WWOX: variants seen among roughly 807,000 people sequenced by gnomAD.
WWOX encodes the protein WW domain containing oxidoreductase.
Under a neutral mutation model 46.2 loss-of-function variants are expected in WWOX, and 69 were observed. The ratio of observed to expected loss-of-function variants is 1.49; its 90% confidence interval spans 1.23 to 1.82. WWOX has a LOEUF of 1.82. Among genes scored for constraint, WWOX ranks in the 40% most tolerant of loss-of-function variants. The pLI is 0.00. For synonymous variants in WWOX, 359 were observed against 202.6 expected, an observed-to-expected ratio of 1.77 and a Z score of -6.56; for missense variants, 919 against 542.6, an observed-to-expected ratio of 1.69 and a Z score of -6.89.
At chr16:78,934,477 G>A (rs2045693383) in intron 8 of WWOX, among the ~76,000 whole-genome samples, 1 of 137,274 alleles carries the variant, frequency 7.3e-6, no homozygotes, top group African/African-American at 2.7e-5. Context: ...CCACTGCACT[G>A]CAGCCTGGGC....
intron 8 of WWOX, among the ~76,000 whole-genome samples, chr16:78,916,202 A>C (rs2045247899): frequency 6.6e-6 from 1 of 152,204 alleles, no homozygotes; most frequent in African/African-American, 2.4e-5. Flanking sequence ...TTATGCTGAC[A>C]GTAGGGAGGA....
At chr16:79,200,655 G>T (rs1313882392) in intron 8 of WWOX, among the ~76,000 whole-genome samples, 1 of 152,066 alleles carries the variant, frequency 6.6e-6, no homozygotes, top group African/African-American at 2.4e-5. Flanking sequence ...GGCCATTACA[G>T]TTGGGATTAG....
chr16:78,961,436 C>CATGGATGG (rs551578359), intron 8 of WWOX, among the ~76,000 whole-genome samples: 11 of 151,746 alleles, frequency 7.2e-5, no homozygotes, highest in African/African-American at 2.4e-4. Context: ...CTATGGGATA[C>CATGGATGG]ATGGATGGAT....
chr16:78,684,288 G>GTA (rs2047804377), intron 8 of WWOX, among the ~76,000 whole-genome samples: 1 of 152,170 alleles, frequency 6.6e-6, no homozygotes, highest in African/African-American at 2.4e-5. Context: ...CTGTCCAGGT[G>GTA]TACTCAGAGT....
chr16:78,904,780 C>G (rs1329023340), intron 8 of WWOX, among the ~76,000 whole-genome samples: 2 of 152,170 alleles, frequency 1.3e-5, no homozygotes, highest in African/African-American at 4.8e-5. Flanking sequence ...ATTCTCGGGC[C>G]TTTGCACCTT....
chr16:79,137,836 C>T (rs1009107797), intron 8 of WWOX, among the ~76,000 whole-genome samples: 1 of 152,038 alleles, frequency 6.6e-6, no homozygotes, highest in Non-Finnish European at 1.5e-5. Flanking sequence ...GCTTCTGGCC[C>T]CGTCCTGGGG....
chr16:78,737,714 A>G (rs1187502681), intron 8 of WWOX, among the ~76,000 whole-genome samples: 1 of 152,148 alleles, frequency 6.6e-6, no homozygotes, highest in Non-Finnish European at 1.5e-5. Flanking sequence ...TCTAGGTATC[A>G]TGGATGATGT....
At chr16:79,018,521 G>T (rs966610520) in intron 8 of WWOX, among the ~76,000 whole-genome samples, 2 of 152,172 alleles carry the variant, frequency 1.3e-5, no homozygotes, top group Non-Finnish European at 2.9e-5. Flanking sequence ...TTTGACAATG[G>T]TCTGATTAAT....
At chr16:78,860,391 T>G (rs144993587) in intron 8 of WWOX, among the ~76,000 whole-genome samples, 1 of 152,274 alleles carries the variant, frequency 6.6e-6, no homozygotes, top group East Asian at 1.9e-4. Flanking sequence ...TTCACTATCT[T>G]GATGCCTCAC....
chr16:78,439,676 T>C (rs905442610), intron 8 of WWOX, among the ~76,000 whole-genome samples: 3 of 152,246 alleles, frequency 2.0e-5, no homozygotes, highest in South Asian at 4.1e-4. Context: ...TACATCAGTT[T>C]AGCTGCTTTA....
chr16:79,161,519 C>G (rs1002070430), intron 8 of WWOX, among the ~76,000 whole-genome samples: 1 of 152,012 alleles, frequency 6.6e-6, no homozygotes, highest in Non-Finnish European at 1.5e-5. Context: ...AGTTTTTTCA[C>G]TTTTTATTTT....
intron 8 of WWOX, among the ~76,000 whole-genome samples, chr16:78,855,163 G>T (rs1410995274): frequency 6.6e-6 from 1 of 152,278 alleles, no homozygotes; most frequent in East Asian, 1.9e-4. Flanking sequence ...AAAGGTGGGT[G>T]AGGAGAAGAG....
rs569737677 is a variant in WWOX, at chr16:78,194,786, A to T, written c.516+30497A>T. On this transcript the variant is annotated intron_variant, in intron 5 of 8. Coordinates refer to ENST00000566780, the MANE Select transcript of WWOX (RefSeq NM_016373.4). ...GTTATCCCTGCCTGGTTTAACCATC[A>T]ACCCTCTTAACTCCCGATCCTTTTA... 3.0e-5 allele frequency among the ~76,000 whole-genome samples: 4 copies of T among 134,780 alleles called. No homozygotes were observed. In the East Asian group the frequency reaches 9.3e-4, roughly 31 times the overall value. The allele number at this position is 134,780 out of a possible 152,430, so 88.4% of individuals were successfully genotyped here.
At chr16:78,805,751 T>C (rs1358558723) in intron 8 of WWOX, among the ~76,000 whole-genome samples, 1 of 152,236 alleles carries the variant, frequency 6.6e-6, no homozygotes, top group Non-Finnish European at 1.5e-5. Flanking sequence ...TAACTCTTTA[T>C]ACGGCTATAT....
rs890991765 is a variant in WWOX, at chr16:78,744,644, C to G, written c.1056+311892C>G. On this transcript the variant is annotated intron_variant, in intron 8 of 8. Transcript: ENST00000566780. ...ATGAGGTTTCACCATGTTGGCCAGG[C>G]TAGTCTTGAATTCTTGACCTTAAGT... 5.9e-5 allele frequency among the ~76,000 whole-genome samples: 9 copies of G among 152,008 alleles called. No individual in the cohort carries two copies. The South Asian group carries it at 6.2e-4, about 11-fold the overall frequency.
intron 8 of WWOX, among the ~76,000 whole-genome samples, chr16:78,472,924 G>A (rs2084262064): frequency 1.3e-5 from 2 of 151,938 alleles, no homozygotes; most frequent in Non-Finnish European, 2.9e-5. Context: ...CCAGTCTGTG[G>A]TTTAGCACGG....
intron 8 of WWOX, among the ~76,000 whole-genome samples, chr16:79,097,672 C>T (rs1013647980): frequency 2.0e-5 from 3 of 152,126 alleles, no homozygotes; most frequent in Admixed American, 1.3e-4. Flanking sequence ...GGGGTGAACG[C>T]TGTGCAATTT....
At chr16:79,039,155 T>C (rs770320054) in intron 8 of WWOX, among the ~76,000 whole-genome samples, 2 of 152,196 alleles carry the variant, frequency 1.3e-5, no homozygotes, top group Non-Finnish European at 2.9e-5. Context: ...TGGGGAATTC[T>C]TTTTGCAGGT....
At chr16:79,195,340 C>G (rs1444715569) in intron 8 of WWOX, among the ~76,000 whole-genome samples, 4 of 151,974 alleles carry the variant, frequency 2.6e-5, no homozygotes, top group Non-Finnish European at 4.4e-5. Context: ...CCAGTCAATC[C>G]CAAGGAAACT....
Sources: allele counts gnomAD v4.1 joint callset (sites outside exome capture counted in the v4.1 genomes callset), GRCh38; gene constraint gnomAD v4.1.1; transcripts MANE v1.5; gene names NCBI Gene and HGNC (gene_info 2026-07-23, HGNC 2026-07-21).